The following SAMD12 variants were observed in gnomAD, a reference collection of about 807,000 sequenced individuals.
SAMD12 encodes the protein sterile alpha motif domain-containing protein 12.
SAMD12 carries 9 observed loss-of-function variants against 15.0 expected under a neutral mutation model. The observed-to-expected ratio is 0.60, with a 90% CI of 0.36 to 1.05. The LOEUF is 1.05. Ranked by LOEUF, SAMD12 falls within the 50% of genes least tolerant of loss-of-function variation. The pLI, the probability that SAMD12 is intolerant of heterozygous loss-of-function variation, is 0.01. For synonymous variants in SAMD12, 86 were observed against 90.1 expected (o/e 0.96, Z 0.25); for missense variants, 230 against 234.2 (o/e 0.98, Z 0.12).
chr8:118,192,216 G>GA (rs2129734618), exon 5 of SAMD12: 1 of 152,054 alleles, frequency 6.6e-6, no homozygotes, highest in South Asian at 2.1e-4. Flanking sequence ...TATTTTTACA[G>GA]AATTTGGGCG....
chr8:118,166,242 T>G, the SAMD12 span, among the ~76,000 whole-genome samples: 1 of 152,346 alleles, frequency 6.6e-6, no homozygotes, highest in Non-Finnish European at 1.5e-5. Context: ...CTCAAGATTA[T>G]CAGTGCAACT....
intron 4 of SAMD12, among the ~76,000 whole-genome samples, chr8:118,211,109 A>G (rs1192299946): frequency 1.3e-5 from 2 of 152,112 alleles, no homozygotes; most frequent in Non-Finnish European, 2.9e-5. Flanking sequence ...AGGGAGGGGG[A>G]GGAGCTCTCC....
chr8:118,549,969 G>C (rs1436434361), intron 2 of SAMD12, among the ~76,000 whole-genome samples: 15 of 152,046 alleles, frequency 9.9e-5, no homozygotes, highest in Admixed American at 9.8e-4. Context: ...GAGAAGGGAA[G>C]TTTAGGGAAA....
At position 118,262,591 on chromosome 8, in the gene SAMD12, G is replaced by A. The variant is rs2514980; in HGVS notation, c.434-64859C>T. Among the ~76,000 whole-genome samples the A allele has an allele frequency of 9.7e-4, 148 of 152,200 alleles. 2 individuals carry two copies. In the East Asian group the frequency reaches 0.028, roughly 28 times the overall value. ...CTTCAGTTAACAACAAGAAAATGAG[G>A]TGGCGGCACAGACAACATGGAAAAG... On this transcript the variant is annotated intron_variant, in intron 4 of 4. Transcript: ENST00000409003.
At chr8:118,175,622 A>G in the SAMD12 span, among the ~76,000 whole-genome samples, 8 of 152,214 alleles carry the variant, frequency 5.3e-5, no homozygotes, top group African/African-American at 1.2e-4. Context: ...TCCAGAATCT[A>G]TAAGGGACCT....
chr8:118,197,145 G>A (rs1819588393), exon 5 of SAMD12: 1 of 152,560 alleles, frequency 6.6e-6, no homozygotes, highest in African/African-American at 2.4e-5. Flanking sequence ...CACATGTGCT[G>A]AATGTGCTGA....
intron 4 of SAMD12, among the ~76,000 whole-genome samples, chr8:118,308,357 G>A (rs1418582766): frequency 6.6e-6 from 1 of 152,148 alleles, no homozygotes; most frequent in Non-Finnish European, 1.5e-5. Flanking sequence ...TACTGTATGA[G>A]CACTTATTAT....
chr8:118,412,402 G>A (rs911053278), intron 3 of SAMD12, among the ~76,000 whole-genome samples: 3 of 152,148 alleles, frequency 2.0e-5, no homozygotes, highest in Non-Finnish European at 2.9e-5. Context: ...GGGTGGGAGG[G>A]TCTTCCGAGG....
the SAMD12 span, among the ~76,000 whole-genome samples, chr8:118,138,933 G>A: frequency 2.6e-5 from 4 of 152,140 alleles, no homozygotes; most frequent in African/African-American, 9.7e-5. Flanking sequence ...AAGGAGAGTG[G>A]CCCTCTTCCC....
intron 2 of SAMD12, among the ~76,000 whole-genome samples, chr8:118,508,750 A>C (rs1434673199): frequency 6.6e-6 from 1 of 152,214 alleles, no homozygotes; most frequent in Non-Finnish European, 1.5e-5. Context: ...TTTCAACCGA[A>C]TTCCCATGAG....
At chr8:118,459,016 C>G (rs947922597) in intron 2 of SAMD12, among the ~76,000 whole-genome samples, 1 of 150,166 alleles carries the variant, frequency 6.7e-6, no homozygotes, top group Non-Finnish European at 1.5e-5. Flanking sequence ...GTTTTTACAA[C>G]GTTAATATAT....
At chr8:118,310,956 G>A (rs965415486) in intron 4 of SAMD12, among the ~76,000 whole-genome samples, 5 of 152,132 alleles carry the variant, frequency 3.3e-5, no homozygotes, top group Admixed American at 6.6e-5. Flanking sequence ...TGACATAGTA[G>A]AAAGATTTTA....
chr8:118,539,155 G>A (rs139521227), intron 2 of SAMD12, among the ~76,000 whole-genome samples: 145 of 152,344 alleles, frequency 9.5e-4, no homozygotes, highest in Non-Finnish European at 1.9e-3. Flanking sequence ...AGCAAGAAGT[G>A]CCTTGGCATT....
chr8:118,203,384 TTGTG>T (rs55916454), intron 4 of SAMD12, among the ~76,000 whole-genome samples: 1 of 149,214 alleles, frequency 6.7e-6, no homozygotes, highest in Non-Finnish European at 1.5e-5. Context: ...TGGTAACAAC[TTGTG>T]TGTGTGTGTG....
chr8:118,458,950 ATGTGTGTGTGTG>A (rs56067272), intron 2 of SAMD12, among the ~76,000 whole-genome samples: 23 of 149,350 alleles, frequency 1.5e-4, no homozygotes, highest in South Asian at 4.3e-4. Context: ...TCAGCTATAT[ATGTGTGTGTGTG>A]TGTGTGTGTG....
chr8:118,320,820 A>AAATAT (rs1554631088), intron 4 of SAMD12, among the ~76,000 whole-genome samples: 9 of 123,110 alleles, frequency 7.3e-5, no homozygotes, highest in African/African-American at 1.1e-4. Flanking sequence ...GTATAATAAA[A>AAATAT]ATATATATAT....
At chr8:118,254,842 G>T (rs1812895958) in intron 4 of SAMD12, among the ~76,000 whole-genome samples, 1 of 151,834 alleles carries the variant, frequency 6.6e-6, no homozygotes, top group Non-Finnish European at 1.5e-5. Flanking sequence ...CTCCCACATT[G>T]ATTTCACCTC....
chr8:118,575,171 C>A (rs1463446205), intron 2 of SAMD12, among the ~76,000 whole-genome samples: 1 of 152,156 alleles, frequency 6.6e-6, no homozygotes, highest in Non-Finnish European at 1.5e-5. Context: ...AAGTTCCAGG[C>A]CAGCTCCTTT....
chr8:118,463,070 C>T (rs1244351120), intron 2 of SAMD12, among the ~76,000 whole-genome samples: 1 of 140,056 alleles, frequency 7.1e-6, no homozygotes, highest in South Asian at 2.3e-4. Flanking sequence ...CACTGCACTC[C>T]AGCCTGGGCG....
Sources: gnomAD v4.1 joint callset for allele counts (sites outside exome capture counted in the v4.1 genomes callset) on GRCh38, gnomAD v4.1.1 for gene constraint, MANE v1.5 for transcripts, NCBI Gene and HGNC (gene_info 2026-07-23, HGNC 2026-07-21) for gene names.